PRUNE2: variants seen among roughly 807,000 people sequenced by gnomAD.
The protein encoded by PRUNE2 is prune homolog 2 with BCH domain.
PRUNE2 carries 164 observed loss-of-function variants against 252.0 expected under a neutral mutation model. The ratio of observed to expected loss-of-function variants is 0.65; its 90% confidence interval spans 0.57 to 0.74. The LOEUF is 0.74. Ranked by LOEUF, PRUNE2 falls within the 30% of genes least tolerant of loss-of-function variation. The pLI is 0.00. For missense variants in PRUNE2, 3,495 were observed against 3,711.0 expected (o/e 0.94, Z 1.51); for synonymous variants, 1,292 against 1,350.2 (o/e 0.96, Z 0.94).
At chr9:76,851,986 C>T (rs1211796754) in intron 2 of PRUNE2, among the ~76,000 whole-genome samples, 1 of 152,198 alleles carries the variant, frequency 6.6e-6, no homozygotes, top group East Asian at 1.9e-4. Context: ...ATGGCCTTTA[C>T]TCTCACACCA....
At chr9:76,636,871 G>A (rs994545671) in intron 14 of PRUNE2, among the ~76,000 whole-genome samples, 1 of 152,036 alleles carries the variant, frequency 6.6e-6, no homozygotes, top group African/African-American at 2.4e-5. Flanking sequence ...CAGGAGAATC[G>A]CTTGAACCCA....
chr9:76,874,757 G>C (rs1297475934), intron 1 of PRUNE2, among the ~76,000 whole-genome samples: 1 of 152,152 alleles, frequency 6.6e-6, no homozygotes, highest in African/African-American at 2.4e-5. Context: ...CAGAGCATGA[G>C]AGAAAAATAA....
At chr9:76,623,440 G>A (rs905906244) in intron 17 of PRUNE2, among the ~76,000 whole-genome samples, 2 of 151,858 alleles carry the variant, frequency 1.3e-5, no homozygotes, top group Non-Finnish European at 2.9e-5. Flanking sequence ...GACTATAGGC[G>A]TGCACCACCA....
In PRUNE2 at chr9:76,612,162, C is replaced by T. The variant is rs1827636760; in HGVS notation, c.*2408G>A. 1 of 152,168 alleles carries T rather than the reference C, an allele frequency of 6.6e-6. No individual in the cohort carries two copies. The highest frequency in any genetic ancestry group is 1.5e-5 in the Non-Finnish European group (1 of 68,040). 9.4% of individuals were successfully genotyped at this position (152,168 alleles called of 1,614,324 possible). On this transcript the variant is annotated 3_prime_UTR_variant, in exon 19 of 19. Transcript: ENST00000376718. ...AATAAAATAGCAGATACCTAAATATCAGAGTGGTTATGCAGCCTACAGAAC... is the reference window on the plus strand; with the variant it reads ...AATAAAATAGCAGATACCTAAATATTAGAGTGGTTATGCAGCCTACAGAAC...
At chr9:76,713,541 C>T (rs779007815) in intron 7 of PRUNE2, 22 bp downstream of exon 7, 34 of 1,592,910 alleles carry the variant, frequency 2.1e-5, no homozygotes, top group Middle Eastern at 3.9e-4. Context: ...GGGAACATGA[C>T]GGGGTCAGAG....
chr9:76,636,095 T>C (rs1358971946), intron 15 of PRUNE2, among the ~76,000 whole-genome samples: 1 of 152,220 alleles, frequency 6.6e-6, no homozygotes, highest in African/African-American at 2.4e-5. Flanking sequence ...TTTCTGCCCT[T>C]GATTCATCTT....
chr9:76,826,784 A>G, intron 4 of PRUNE2, 52 bp from the exon 5 acceptor site: 1 of 1,417,554 alleles, frequency 7.1e-7, no homozygotes, highest in African/African-American at 1.4e-5. Flanking sequence ...AAGCCAGAAC[A>G]GGGGCCAAGA....
chr9:76,805,850 T>A (rs2056897635), intron 6 of PRUNE2, among the ~76,000 whole-genome samples: 1 of 152,232 alleles, frequency 6.6e-6, no homozygotes, highest in South Asian at 2.1e-4. Context: ...TGGACTGGAA[T>A]GCCACTTTCT....
chr9:76,813,378 T>A (rs184384391), intron 6 of PRUNE2, among the ~76,000 whole-genome samples: 1 of 152,304 alleles, frequency 6.6e-6, no homozygotes, highest in Admixed American at 6.5e-5. Context: ...TCTGGCCCTT[T>A]TCAGAAAAGA....
chr9:76,692,313 T>C (rs1449707709), intron 9 of PRUNE2: 6 of 580,196 alleles, frequency 1.0e-5, no homozygotes, highest in Non-Finnish European at 1.8e-5. Flanking sequence ...GAATATACGA[T>C]ACCCTTTCAC....
chr9:76,820,700 G>A (rs138685176), intron 6 of PRUNE2, among the ~76,000 whole-genome samples: 24 of 152,234 alleles, frequency 1.6e-4, no homozygotes, highest in African/African-American at 5.1e-4. Flanking sequence ...CTCCGTTTTT[G>A]GAGAGCGGGA....
chr9:76,904,277 G>T (rs765501526), intron 1 of PRUNE2, among the ~76,000 whole-genome samples: 1 of 151,542 alleles, frequency 6.6e-6, no homozygotes, highest in Non-Finnish European at 1.5e-5. Flanking sequence ...TCTAATGAAG[G>T]GTAAATAAAT....
chr9:76,743,338 C>A (rs1322613405), intron 6 of PRUNE2, among the ~76,000 whole-genome samples: 1 of 152,112 alleles, frequency 6.6e-6, no homozygotes, highest in Non-Finnish European at 1.5e-5. Context: ...GCATAAGGAT[C>A]AACAATTCTA....
intron 5 of PRUNE2, among the ~76,000 whole-genome samples, chr9:76,824,991 G>A (rs2058260604): frequency 6.6e-6 from 1 of 152,166 alleles, no homozygotes; most frequent in Non-Finnish European, 1.5e-5. Context: ...ATAGGTAACA[G>A]AAGGTGCAAT....
intron 1 of PRUNE2, among the ~76,000 whole-genome samples, chr9:76,877,332 C>T (rs1376453782): frequency 1.3e-5 from 2 of 152,168 alleles, no homozygotes; most frequent in Non-Finnish European, 2.9e-5. Context: ...TGGCGAAACC[C>T]CATCTCTACT....
chr9:76,760,712 C>T (rs1415716901), intron 6 of PRUNE2, among the ~76,000 whole-genome samples: 1 of 152,174 alleles, frequency 6.6e-6, no homozygotes, highest in African/African-American at 2.4e-5. Context: ...CTTCTAGACT[C>T]ACTCTACTTC....
intron 6 of PRUNE2, among the ~76,000 whole-genome samples, chr9:76,768,232 G>A (rs1388459180): frequency 1.3e-5 from 2 of 151,642 alleles, no homozygotes; most frequent in African/African-American, 4.9e-5. Flanking sequence ...TCGCTCTGTC[G>A]CCCAGGCTGG....
chr9:76,774,686 C>T (rs936151274), intron 6 of PRUNE2, among the ~76,000 whole-genome samples: 3 of 151,776 alleles, frequency 2.0e-5, no homozygotes, highest in Middle Eastern at 3.4e-3. Context: ...CTCGAATTCC[C>T]GACCTCAGGT....
intron 9 of PRUNE2, among the ~76,000 whole-genome samples, chr9:76,671,489 A>G (rs1365563442): frequency 6.6e-6 from 1 of 152,104 alleles, no homozygotes; most frequent in African/African-American, 2.4e-5. Flanking sequence ...GCAGGATATT[A>G]TCCAGGAGAA....
Sources: gnomAD v4.1 joint callset for allele counts (sites outside exome capture counted in the v4.1 genomes callset) on GRCh38, gnomAD v4.1.1 for gene constraint, MANE v1.5 for transcripts, NCBI Gene and HGNC (gene_info 2026-07-23, HGNC 2026-07-21) for gene names.